Variants in PCDH15 observed in about 807,000 individuals in gnomAD.
The protein encoded by PCDH15 is protocadherin-15.
A neutral mutation model predicts 178.5 loss-of-function variants in PCDH15; 129 were observed. That is an observed-to-expected ratio of 0.72 (90% CI 0.63 to 0.84). The LOEUF (loss-of-function observed/expected upper bound fraction) is 0.84, where lower values mean the gene tolerates loss of function less well. Ranked by LOEUF, PCDH15 falls within the 40% of genes least tolerant of loss-of-function variation. The pLI is 0.00. For synonymous variants in PCDH15, 800 were observed against 732.0 expected, an observed-to-expected ratio of 1.09 and a Z score of -1.50; for missense variants, 2,230 against 2,099.9, an observed-to-expected ratio of 1.06 and a Z score of -1.21.
chr10:54,599,869 G>C (rs560174063), intron 2 of PCDH15: 4 of 677,992 alleles, frequency 5.9e-6, no homozygotes, highest in Non-Finnish European at 1.1e-5. Context: ...AGGTGAAGTA[G>C]AGGAAGCCAA....
rs536756457 is a variant in PCDH15 at position 54,465,197 on chromosome 10, G to A, written c.157+62615C>T. 4.6e-5 allele frequency among the ~76,000 whole-genome samples: 7 copies of A among 152,128 alleles called. No homozygotes were observed. The East Asian group carries it at 1.4e-3, about 29-fold the overall frequency. ...TTTTTTTGTTACACGCGTATAACAT[G>A]TAATGATCATGTCATAGTATTTATT... is the stretch of plus-strand genomic sequence containing the variant. On this transcript the variant is annotated intron_variant, in intron 3 of 37. Coordinates refer to ENST00000644397, the MANE Select transcript of PCDH15 (RefSeq NM_001384140.1).
intron 1 of PCDH15, among the ~76,000 whole-genome samples, chr10:54,778,922 A>T (rs758625395): frequency 6.6e-6 from 1 of 152,102 alleles, no homozygotes; most frequent in Non-Finnish European, 1.5e-5. Context: ...TGATGGTGGT[A>T]CTACCAAAGG....
rs201580226 is a variant in PCDH15 at position 55,269,770 on chromosome 10, G to GA, written c.-156+49828dup. ...CTACCAATATCATTTTTCACAGTTA[G>GA]AAAAAAAAATTCTAAAATTCATCTG... On this transcript the variant is annotated intron_variant, in intron 1 of 5. Coordinates refer to the PCDH15 transcript ENST00000458638. Among the ~76,000 whole-genome samples the GA allele has an allele frequency of 7.1e-3, 1,070 of 151,152 alleles. 7 individuals carry two copies. The highest frequency in any genetic ancestry group is 0.015 in the African/African-American group (607 of 41,218).
chr10:54,159,299 T>C (rs556826204), intron 13 of PCDH15, among the ~76,000 whole-genome samples: 5 of 152,234 alleles, frequency 3.3e-5, no homozygotes, highest in East Asian at 1.9e-4. Context: ...CTCCTAGAAC[T>C]ACTGTAAAAG....
At chr10:55,042,984 C>T (rs1197317718) in intron 2 of PCDH15, among the ~76,000 whole-genome samples, 2 of 152,158 alleles carry the variant, frequency 1.3e-5, no homozygotes, top group African/African-American at 2.4e-5. Flanking sequence ...CAGCCCTTGA[C>T]ATTCTGTTTG....
At chr10:53,808,569 C>A (rs74615652) in intron 37 of PCDH15, 1 of 1,455,272 alleles carries the variant, frequency 6.9e-7, no homozygotes. Context: ...TGCTTCTGAT[C>A]ATAAGTCATA....
intron 2 of PCDH15, among the ~76,000 whole-genome samples, chr10:55,078,524 A>G (rs977043911): frequency 8.6e-5 from 13 of 151,290 alleles, no homozygotes; most frequent in African/African-American, 3.2e-4. Context: ...TTTTTTCTTT[A>G]TTTTTGACTG....
At chr10:55,242,357 T>G (rs1379247587) in intron 1 of PCDH15, among the ~76,000 whole-genome samples, 1 of 152,136 alleles carries the variant, frequency 6.6e-6, no homozygotes, top group African/African-American at 2.4e-5. Flanking sequence ...AAATTGGATA[T>G]AAATAGCTAA....
At chr10:54,383,262 A>G (rs564908476) in intron 3 of PCDH15, among the ~76,000 whole-genome samples, 2 of 152,186 alleles carry the variant, frequency 1.3e-5, no homozygotes, top group Non-Finnish European at 2.9e-5. Context: ...CTATGTATGC[A>G]TATGTAAAAT....
At chr10:54,183,225 C>T (rs1400308461) in intron 13 of PCDH15, among the ~76,000 whole-genome samples, 1 of 152,212 alleles carries the variant, frequency 6.6e-6, no homozygotes, top group Non-Finnish European at 1.5e-5. Context: ...CTTGCCTTGG[C>T]TTCCCAAAGT....
intron 3 of PCDH15, among the ~76,000 whole-genome samples, chr10:54,412,390 A>T (rs1953666976): frequency 6.6e-6 from 1 of 152,012 alleles, no homozygotes; most frequent in Admixed American, 6.6e-5. Flanking sequence ...AAAGAAGTTG[A>T]TCTTACAGGT....
At chr10:54,951,698 T>G (rs1045355158) in intron 2 of PCDH15, among the ~76,000 whole-genome samples, 6 of 151,840 alleles carry the variant, frequency 4.0e-5, no homozygotes, top group African/African-American at 1.4e-4. Context: ...GAATGTTACT[T>G]TTGCTTTACA....
intron 21 of PCDH15, among the ~76,000 whole-genome samples, chr10:53,963,576 A>C (rs2088606382): frequency 1.3e-5 from 2 of 152,230 alleles, no homozygotes; most frequent in Admixed American, 6.5e-5. Context: ...GAACATTTTA[A>C]GTCCAAACTA....
intron 2 of PCDH15, among the ~76,000 whole-genome samples, chr10:55,388,001 T>C (rs1292801983): frequency 6.6e-6 from 1 of 152,096 alleles, no homozygotes; most frequent in Admixed American, 6.6e-5. Context: ...GGCTCAAATA[T>C]TTGATTACAA....
intron 2 of PCDH15, among the ~76,000 whole-genome samples, chr10:55,360,401 T>A (rs1414479284): frequency 2.6e-5 from 4 of 151,868 alleles, no homozygotes; most frequent in Non-Finnish European, 1.5e-5. Flanking sequence ...GAAAAATCAA[T>A]TAATTGTACT....
chr10:54,964,526 T>A (rs1012503204), intron 2 of PCDH15, among the ~76,000 whole-genome samples: 1 of 152,168 alleles, frequency 6.6e-6, no homozygotes, highest in Non-Finnish European at 1.5e-5. Flanking sequence ...ATTACTGGAG[T>A]ACATATTCTC....
chr10:55,204,705 GCAAA>G (rs767904934), intron 1 of PCDH15, among the ~76,000 whole-genome samples: 1 of 152,004 alleles, frequency 6.6e-6, no homozygotes, highest in East Asian at 1.9e-4. Context: ...AACATACACT[GCAAA>G]CAGTCACTGG....
At chr10:55,038,621 C>A (rs751842298) in intron 2 of PCDH15, among the ~76,000 whole-genome samples, 2 of 152,148 alleles carry the variant, frequency 1.3e-5, no homozygotes, top group Non-Finnish European at 2.9e-5. Context: ...CCCTTAATAA[C>A]CATTTGAGTT....
At chr10:55,074,570 G>T (rs11004728) in intron 2 of PCDH15, among the ~76,000 whole-genome samples, 10,818 of 151,786 alleles carry the variant, frequency 0.071, 508 homozygotes, top group African/African-American at 0.12. Flanking sequence ...GTTTATGGGG[G>T]TTTTTTTGTA....
Sources: allele counts gnomAD v4.1 joint callset (sites outside exome capture counted in the v4.1 genomes callset), GRCh38; gene constraint gnomAD v4.1.1; transcripts MANE v1.5; gene names NCBI Gene and HGNC (gene_info 2026-07-23, HGNC 2026-07-21).